The following CSNK2A1 variants were observed in gnomAD, a reference collection of about 807,000 sequenced individuals.
CSNK2A1 encodes casein kinase II subunit alpha.
Under a neutral mutation model 62.9 loss-of-function variants are expected in CSNK2A1, and 10 were observed. The observed-to-expected ratio is 0.16, with a 90% CI of 0.10 to 0.27. The LOEUF (loss-of-function observed/expected upper bound fraction) is 0.27. Among genes scored for constraint, CSNK2A1 ranks in the 10% least tolerant of loss-of-function variants. The probability of loss-of-function intolerance (pLI) is 1.00; values close to 1 mark genes in which losing one functional copy is unlikely to be tolerated. For missense variants in CSNK2A1, 160 were observed against 492.0 expected (o/e 0.33, Z 6.38); for synonymous variants, 124 against 167.8 (o/e 0.74, Z 2.02).
intron 2 of CSNK2A1, among the ~76,000 whole-genome samples, chr20:523,858 CAA>C (rs11401840): frequency 2.9e-4 from 13 of 45,548 alleles, no homozygotes; most frequent in African/African-American, 1.1e-3. Context: ...GACTCCATCT[CAA>C]AAAAAAAAAA....
intron 2 of CSNK2A1, among the ~76,000 whole-genome samples, chr20:526,002 T>C (rs1292437323): frequency 4.0e-5 from 6 of 151,502 alleles, no homozygotes; most frequent in African/African-American, 9.7e-5. Flanking sequence ...AAGGCCCTGA[T>C]TCGAAAATAA....
In CSNK2A1 at chr20:484,065, C is replaced by G; in HGVS notation, c.1072G>C (p.Val358Leu). 1 of 1,601,140 alleles carries G rather than the reference C, an allele frequency of 6.2e-7. No individual in the cohort carries two copies. The highest frequency in any genetic ancestry group is 8.5e-7 in the Non-Finnish European group (1 of 1,174,878). ...SANMMSGISS[V>L]PTPSPLGPLA... ...GGTCCAAGGGGTGAAGGGGTTGGCA[C>G]TGAAGAAATCCCTGAAAGAAAAGAG... Residue 358 changes from valine (V) to leucine (L), a missense_variant, in exon 14 of 14, where the codon GTG becomes CTG. Transcript: ENST00000217244.
At chr20:534,085 A>G (rs2019264722) in intron 1 of CSNK2A1, among the ~76,000 whole-genome samples, 1 of 152,222 alleles carries the variant, frequency 6.6e-6, no homozygotes, top group Non-Finnish European at 1.5e-5. Context: ...AACTACTGTT[A>G]CCATTTGAAT....
intron 11 of CSNK2A1, chr20:487,873 G>A: frequency 2.4e-6 from 1 of 417,906 alleles, no homozygotes; most frequent in Non-Finnish European, 4.4e-6. Flanking sequence ...TCAGGTGGCT[G>A]AGCTCACCAG....
At chr20:495,536 T>G in intron 8 of CSNK2A1, 183 bp downstream of exon 8, 1 of 525,018 alleles carries the variant, frequency 1.9e-6, no homozygotes, top group South Asian at 2.5e-5. Flanking sequence ...CTTGGGAATA[T>G]TCTTAGGAAT....
intron 12 of CSNK2A1, 59 bp downstream of exon 12, chr20:487,368 C>G: frequency 6.2e-7 from 1 of 1,603,580 alleles, no homozygotes; most frequent in Non-Finnish European, 8.5e-7. Flanking sequence ...GGGATTACGA[C>G]TCTGTTCTAT....
rs2018054521 is a variant in CSNK2A1, at chr20:485,097, A to T, written c.1061-1021T>A. Among the ~76,000 whole-genome samples, 84 of 36,454 alleles carry T rather than the reference A, an allele frequency of 2.3e-3. 2 individuals carry two copies. Among genetic ancestry groups the T allele is most frequent in the African/African-American group, 2.7e-3 (30 of 11,030 alleles). The allele number at this position is 36,454 out of a possible 152,430, so 23.9% of individuals were successfully genotyped here. On this transcript the variant is annotated intron_variant, in intron 13 of 13. Coordinates refer to ENST00000217244, the MANE Select transcript of CSNK2A1 (RefSeq NM_177559.3). ...AAAAAAAAAAAAAAAAAAAAAAAAA[A>T]AAAAAAAAAAAAATATATATATATA...
chr20:515,664 T>C (rs552158697), intron 2 of CSNK2A1, among the ~76,000 whole-genome samples: 14 of 152,308 alleles, frequency 9.2e-5, no homozygotes, highest in African/African-American at 2.2e-4. Context: ...AATTTCTCAA[T>C]TGGACCCTAA....
At position 519,806 on chromosome 20, in the gene CSNK2A1, T is replaced by C. The variant is rs533387358; in HGVS notation, c.-110+8127A>G. Among the ~76,000 whole-genome samples the C allele has an allele frequency of 2.0e-5, 3 of 152,134 alleles. No individual in the cohort carries two copies. In the South Asian group the frequency reaches 6.2e-4, roughly 32 times the overall value. On this transcript the variant is annotated intron_variant, in intron 2 of 13. Coordinates refer to ENST00000217244, the MANE Select transcript of CSNK2A1 (RefSeq NM_177559.3). ...AATAAAGAGCAAAAAAGAGGAAAAT[T>C]TACAGACAGCTCCAAACAAACACTG...
At chr20:487,784 CATCTGAGTCCTCTCAATT>C (rs1192669424) in intron 11 of CSNK2A1, 1 of 616,884 alleles carries the variant, frequency 1.6e-6, no homozygotes, top group Admixed American at 3.0e-5. Context: ...TGAAAAAAGA[CATCTGAGTCCTCTCAATT>C]TTAAGAAACA....
chr20:491,873 G>A lies in CSNK2A1; in HGVS notation c.621+381C>T, dbSNP rs138966117. 7.0e-3 allele frequency among the ~76,000 whole-genome samples: 1,062 copies of A among 151,926 alleles called. 12 individuals are homozygous for A. The highest frequency in any genetic ancestry group is 0.024 in the African/African-American group (1,000 of 41,400). On this transcript the variant is annotated intron_variant, in intron 9 of 13. Transcript: ENST00000217244. ...TGGGAGGCGGAGCTTGCAGTGAGCC[G>A]AGATCATGCCACTGCACTGCAGCCT...
At chr20:485,427 C>T (rs193104172) in intron 13 of CSNK2A1, among the ~76,000 whole-genome samples, 1 of 152,196 alleles carries the variant, frequency 6.6e-6, no homozygotes, top group African/African-American at 2.4e-5. Flanking sequence ...AAGTGACCCA[C>T]CCGCCTCAGC....
intron 1 of CSNK2A1, among the ~76,000 whole-genome samples, chr20:536,808 G>T (rs1224531374): frequency 2.0e-5 from 3 of 152,184 alleles, no homozygotes; most frequent in African/African-American, 7.2e-5. Context: ...AGCTTGGAGG[G>T]CAGTGACAGT....
At chr20:487,850 G>T in intron 11 of CSNK2A1, 1 of 456,930 alleles carries the variant, frequency 2.2e-6, no homozygotes, top group Non-Finnish European at 4.0e-6. Context: ...CCGCTTCTGT[G>T]TAGCAAGGAG....
chr20:531,241 T>C (rs1568564855), intron 1 of CSNK2A1, among the ~76,000 whole-genome samples: 1 of 152,182 alleles, frequency 6.6e-6, no homozygotes, highest in Non-Finnish European at 1.5e-5. Flanking sequence ...TCTGTCTGTC[T>C]GGTAACAATG....
At chr20:537,211 T>TA (rs1568572501) in intron 1 of CSNK2A1, among the ~76,000 whole-genome samples, 2 of 152,128 alleles carry the variant, frequency 1.3e-5, no homozygotes, top group African/African-American at 4.8e-5. Flanking sequence ...ATGTCACACA[T>TA]AAAAAATTAT....
At position 535,024 on chromosome 20, in the gene CSNK2A1, T is replaced by C. The variant is rs1482670621; in HGVS notation, c.-226-6975A>G. Among the ~76,000 whole-genome samples the C allele has an allele frequency of 2.0e-4, 22 of 108,810 alleles. No homozygotes were observed. In the Admixed American group the frequency reaches 2.7e-3, roughly 13 times the overall value. The allele number at this position is 108,810 out of a possible 152,430, so 71.4% of individuals were successfully genotyped here. On this transcript the variant is annotated intron_variant, in intron 1 of 13. Transcript: ENST00000217244. ...ACTCCAGCCTGGCAACAGAGTGAGA[T>C]GCTATCTCCCAAAAAAAAAAAAAAA... is the stretch of plus-strand genomic sequence containing the variant.
In CSNK2A1 at chr20:475,899, C is replaced by G. The variant is rs544372587; in HGVS notation, c.*8062G>C. The G allele has an allele frequency of 1.3e-5, 2 of 152,364 alleles. No individual in the cohort carries two copies. The highest frequency in any genetic ancestry group is 4.1e-4 in the South Asian group (2 of 4,830). 9.4% of individuals were successfully genotyped at this position (152,364 alleles called of 1,614,324 possible). A position where few individuals can be genotyped will look rare whatever the true frequency, so the allele number is the denominator to read the frequency against. ...TTCACATGGAGGTGTCCAGCCCAGC[C>G]GACCCACAACCTGAAAAACAGCTGC... On this transcript the variant is annotated 3_prime_UTR_variant, in exon 14 of 14. Coordinates refer to ENST00000217244, the MANE Select transcript of CSNK2A1 (RefSeq NM_177559.3).
intron 1 of CSNK2A1, among the ~76,000 whole-genome samples, chr20:529,205 T>TC (rs2019160572): frequency 6.6e-6 from 1 of 151,586 alleles, no homozygotes; most frequent in Admixed American, 6.6e-5. Context: ...TTTTTTTTTT[T>TC]TGTAAAGAAG....
Sources: allele counts gnomAD v4.1 joint callset (sites outside exome capture counted in the v4.1 genomes callset), GRCh38; gene constraint gnomAD v4.1.1; transcripts MANE v1.5; gene names NCBI Gene and HGNC (gene_info 2026-07-23, HGNC 2026-07-21).